CEP112: variants seen among roughly 807,000 people sequenced by gnomAD.
The protein encoded by CEP112 is centrosomal protein 112.
In CEP112, 127 loss-of-function variants were observed where a neutral mutation model predicts 153.0. The ratio of observed to expected loss-of-function variants is 0.83; its 90% CI spans 0.72 to 0.96. The LOEUF (loss-of-function observed/expected upper bound fraction) is 0.96, where lower values mean the gene tolerates loss of function less well. Among genes scored for constraint, CEP112 ranks in the 40% least tolerant of loss-of-function variants. The probability of loss-of-function intolerance (pLI) is 0.00; values close to 1 mark genes in which losing one functional copy is unlikely to be tolerated. For synonymous variants in CEP112, 358 were observed against 374.4 expected (o/e 0.96, Z 0.51); for missense variants, 1,089 against 1,101.2 (o/e 0.99, Z 0.16).
intron 21 of CEP112, among the ~76,000 whole-genome samples, chr17:65,793,485 C>T (rs758789157): frequency 2.6e-5 from 4 of 152,156 alleles, no homozygotes; most frequent in African/African-American, 4.8e-5. Flanking sequence ...GCATGTACCC[C>T]TGAACTTAAA....
chr17:65,954,132 C>T (rs2061929422), intron 18 of CEP112, among the ~76,000 whole-genome samples: 1 of 152,214 alleles, frequency 6.6e-6, no homozygotes. Context: ...AGAGCAGGTC[C>T]TGGTATCCAT....
chr17:65,974,093 T>G (rs1217688572), intron 17 of CEP112, among the ~76,000 whole-genome samples: 1 of 152,012 alleles, frequency 6.6e-6, no homozygotes, highest in Non-Finnish European at 1.5e-5. Flanking sequence ...CTTTTTTTTT[T>G]TAAGACAGGG....
intron 20 of CEP112, among the ~76,000 whole-genome samples, chr17:65,881,403 T>G (rs2059068139): frequency 1.3e-5 from 2 of 150,450 alleles, no homozygotes; most frequent in Non-Finnish European, 1.5e-5. Flanking sequence ...AGAAAACAGG[T>G]GTGTGTGTGT....
intron 20 of CEP112, among the ~76,000 whole-genome samples, chr17:65,855,635 T>C (rs2058097719): frequency 6.6e-6 from 1 of 152,174 alleles, no homozygotes; most frequent in Admixed American, 6.5e-5. Context: ...GGATATCTGA[T>C]AGTCCCAGGG....
intron 8 of CEP112, among the ~76,000 whole-genome samples, chr17:66,087,305 T>G (rs1252025381): frequency 6.6e-6 from 1 of 152,200 alleles, no homozygotes; most frequent in African/African-American, 2.4e-5. Context: ...CAACAAAATT[T>G]TTAAGTGATG....
chr17:65,799,679 G>A (rs1324061905), intron 21 of CEP112, among the ~76,000 whole-genome samples: 1 of 152,184 alleles, frequency 6.6e-6, no homozygotes, highest in African/African-American at 2.4e-5. Flanking sequence ...GTGAAAAGGG[G>A]CTATCTCAGC....
chr17:65,836,366 C>G (rs1013384744), intron 21 of CEP112, among the ~76,000 whole-genome samples: 10 of 152,062 alleles, frequency 6.6e-5, no homozygotes, highest in African/African-American at 2.4e-4. Flanking sequence ...TAAAAGAAAA[C>G]AAGATTCAAC....
chr17:65,919,645 G>A (rs540304876), intron 19 of CEP112, among the ~76,000 whole-genome samples: 1 of 152,174 alleles, frequency 6.6e-6, no homozygotes, highest in Non-Finnish European at 1.5e-5. Flanking sequence ...TGAACAGAAA[G>A]TCCCAGAATC....
At chr17:65,891,326 T>A (rs924531967) in intron 20 of CEP112, among the ~76,000 whole-genome samples, 1 of 152,168 alleles carries the variant, frequency 6.6e-6, no homozygotes, top group Non-Finnish European at 1.5e-5. Context: ...TCAGTTCGCA[T>A]CTCTGGAATC....
At chr17:65,999,374 T>C (rs11657920) in intron 17 of CEP112, among the ~76,000 whole-genome samples, 62,320 of 151,672 alleles carry the variant, frequency 0.41, 14,278 homozygotes, top group East Asian at 0.87. Flanking sequence ...GCTAATTTTT[T>C]GTATTTTTAG....
chr17:66,126,451 C>G (rs991892413), intron 6 of CEP112, among the ~76,000 whole-genome samples: 2 of 152,096 alleles, frequency 1.3e-5, no homozygotes, highest in African/African-American at 4.8e-5. Flanking sequence ...TCCATCCATG[C>G]AAGCACTCAA....
At chr17:65,887,318 C>T (rs2059314748) in intron 20 of CEP112, among the ~76,000 whole-genome samples, 1 of 152,068 alleles carries the variant, frequency 6.6e-6, no homozygotes, top group Non-Finnish European at 1.5e-5. Context: ...GTGTCTAGCA[C>T]GTAATATTGT....
intron 23 of CEP112, among the ~76,000 whole-genome samples, chr17:65,727,164 T>C (rs1003528205): frequency 2.0e-5 from 3 of 152,226 alleles, no homozygotes; most frequent in Admixed American, 6.5e-5. Flanking sequence ...GTTTTCAAAA[T>C]GAAAACTTAT....
At chr17:66,036,434 C>T (rs1443291) in intron 12 of CEP112, among the ~76,000 whole-genome samples, 78,252 of 151,966 alleles carry the variant, frequency 0.51, 21,079 homozygotes, top group African/African-American at 0.59. Context: ...AATGTGCATA[C>T]ATGTAAAATT....
At chr17:65,636,143 C>T (rs576948310) in intron 26 of CEP112, among the ~76,000 whole-genome samples, 169 bp from the exon 27 acceptor site, 80 of 152,324 alleles carry the variant, frequency 5.3e-4, no homozygotes, top group African/African-American at 1.7e-3. Flanking sequence ...CTACACCGAG[C>T]AAACAGAATC....
In CEP112 at chr17:65,877,916, C is replaced by T. The variant is rs547704132; in HGVS notation, c.2163+24236G>A. Among the ~76,000 whole-genome samples, 8 of 152,224 alleles carry T rather than the reference C, an allele frequency of 5.3e-5. No homozygotes were observed. In the South Asian group the frequency reaches 6.2e-4, roughly 12 times the overall value. On this transcript the variant is annotated intron_variant, in intron 20 of 26. Coordinates refer to ENST00000535342, the MANE Select transcript of CEP112 (RefSeq NM_001199165.4). The stretch of plus-strand genomic sequence containing the variant: ...AAATGGATGAACCTGGAGGATATTA[C>T]GCCAAGTGAAAAAAGCCAGACACAG...
intron 4 of CEP112, among the ~76,000 whole-genome samples, chr17:66,138,203 A>G (rs569268423): frequency 1.3e-5 from 2 of 152,278 alleles, no homozygotes; most frequent in South Asian, 4.1e-4. Flanking sequence ...AACTGTAACT[A>G]CCTGTGGGAA....
intron 23 of CEP112, among the ~76,000 whole-genome samples, chr17:65,707,711 TTTC>T (rs1433503912): frequency 2.0e-5 from 3 of 152,216 alleles, no homozygotes; most frequent in African/African-American, 4.8e-5. Flanking sequence ...GTATAAGCAT[TTTC>T]TTGTCACACT....
At chr17:66,126,431 T>C (rs1039299613) in intron 6 of CEP112, among the ~76,000 whole-genome samples, 2 of 152,164 alleles carry the variant, frequency 1.3e-5, no homozygotes, top group Non-Finnish European at 2.9e-5. Context: ...AGGGAGAATG[T>C]TCCAAAGCCT....
Sources: allele counts gnomAD v4.1 joint callset (sites outside exome capture counted in the v4.1 genomes callset), GRCh38; gene constraint gnomAD v4.1.1; transcripts MANE v1.5; gene names NCBI Gene and HGNC (gene_info 2026-07-23, HGNC 2026-07-21).